ENC1: variants seen among roughly 807,000 people sequenced by gnomAD.
ENC1 encodes ectoderm-neural cortex protein 1.
In ENC1, 19 loss-of-function variants were observed where a neutral mutation model predicts 40.9. The ratio of observed to expected loss-of-function variants is 0.46; its 90% CI spans 0.32 to 0.68. The LOEUF (loss-of-function observed/expected upper bound fraction) is 0.68. ENC1 is among the 30% of genes least tolerant of loss of function. ENC1 has a pLI of 0.03. For missense variants in ENC1, 479 were observed against 737.5 expected, an observed-to-expected ratio of 0.65 and a Z score of 4.06; for synonymous variants, 285 against 291.1, an observed-to-expected ratio of 0.98 and a Z score of 0.21.
chr5:74,634,548 C>T (rs1168446387), intron 2 of ENC1, 136 bp downstream of exon 2: 2 of 602,338 alleles, frequency 3.3e-6, no homozygotes, highest in South Asian at 2.1e-5. Flanking sequence ...GTTCTAGGGG[C>T]ACCAGCTCTC....
rs773105658 is a variant in ENC1 at position 74,636,471 on chromosome 5, C to A, written c.15G>T (p.Val5=). 1.9e-6 allele frequency: 3 copies of A among 1,601,680 alleles called. No homozygotes were observed. The highest frequency in any genetic ancestry group is 2.6e-6 in the Non-Finnish European group (3 of 1,170,444). ...TGGCCCTGGACTTGCGGTTCTCATG[C>A]ACACTGACTGACATTTTGTTTCCAC... MSVS[V]HENRKSRASS... is the part of the protein sequence containing the mutation. Residue 5 remains valine (V), a synonymous_variant, in exon 2 of 3, where the codon GTG becomes GTT. Transcript: ENST00000302351. This position sits in a 1 kb window ranked among gnomAD's most constrained non-coding sequence, Gnocchi z 4.8.
rs1280124688 is a variant in ENC1 at position 74,640,648 on chromosome 5, C to CG, written c.-356dup. On this transcript the variant is annotated 5_prime_UTR_variant, in exon 1 of 3. Transcript: ENST00000302351. ...GGGAGCTAGAAAGCGCCTTGTGTGC[C>CG]GGCGGCCGCCAGGCGTCTGGACCGG... 1.3e-5 allele frequency: 2 copies of CG among 152,348 alleles called. No individual in the cohort carries two copies. Among genetic ancestry groups the CG allele is most frequent in the Non-Finnish European group, 2.9e-5 (2 of 68,224 alleles). 9.4% of individuals were successfully genotyped at this position (152,348 alleles called of 1,614,324 possible). A position where few individuals can be genotyped will look rare whatever the true frequency, so the allele number is the denominator to read the frequency against.
intron 2 of ENC1, chr5:74,632,330 A>G (rs1186356571): frequency 6.6e-6 from 1 of 152,182 alleles, no homozygotes; most frequent in Non-Finnish European, 1.5e-5. Flanking sequence ...TCATATCTCA[A>G]ATGAAATAAC....
intron 1 of ENC1, among the ~76,000 whole-genome samples, chr5:74,639,701 C>A (rs576910528): frequency 5.4e-4 from 82 of 150,466 alleles, no homozygotes; most frequent in African/African-American, 2.0e-3. Flanking sequence ...TGTGTGACAC[C>A]AAACCGCATG....
At position 74,627,517 on chromosome 5, in the gene ENC1, T is replaced by C. The variant is rs535701473; in HGVS notation, c.*2508A>G. On this transcript the variant is annotated 3_prime_UTR_variant, in exon 3 of 3. Transcript: ENST00000302351. ...AATGTAGTCATAGCAAACAAGTACATATGAACATGAACATTTTCCTTCAAC... is the reference window on the plus strand; with the variant it reads ...AATGTAGTCATAGCAAACAAGTACACATGAACATGAACATTTTCCTTCAAC... 1.3e-5 allele frequency: 2 copies of C among 152,352 alleles called. No homozygotes were observed. Among genetic ancestry groups the C allele is most frequent in the Non-Finnish European group, 2.9e-5 (2 of 68,014 alleles). The allele number at this position is 152,352 out of a possible 1,614,324, so 9.4% of individuals were successfully genotyped here. A position where few individuals can be genotyped will look rare whatever the true frequency, so the allele number is the denominator to read the frequency against.
chr5:74,636,161 G>A lies in ENC1; in HGVS notation c.325C>T (p.Arg109Trp), dbSNP rs767803608. 18 of 1,614,114 alleles carry A rather than the reference G, an allele frequency of 1.1e-5. No individual in the cohort carries two copies. Among genetic ancestry groups the A allele is most frequent in the East Asian group, 2.2e-5 (1 of 44,876 alleles). ...GCATTTTCTTCATTGATGATGACCCGGGAGGAGTACGCATAGTCAAGCAGC... is the reference window on the plus strand; with the variant it reads ...GCATTTTCTTCATTGATGATGACCCAGGAGGAGTACGCATAGTCAAGCAGC... ...ELLLDYAYSSRVIINEENAES... is the reference protein window; with the variant it reads ...ELLLDYAYSSWVIINEENAES... The change falls in exon 2 of 3, where the codon CGG becomes TGG. Residue 109 changes from arginine to tryptophan, a missense_variant. Coordinates refer to ENST00000302351, the MANE Select transcript of ENC1 (RefSeq NM_003633.4). This position sits in a 1 kb window ranked among gnomAD's most constrained non-coding sequence, Gnocchi z 4.8.
chr5:74,633,024 G>A (rs1272310640), intron 2 of ENC1, among the ~76,000 whole-genome samples: 3 of 152,152 alleles, frequency 2.0e-5, no homozygotes, highest in Non-Finnish European at 2.9e-5. Context: ...CCCTTCAAAG[G>A]TGTGAAACAT....
At chr5:74,634,466 C>A (rs2112025633) in intron 2 of ENC1, among the ~76,000 whole-genome samples, 1 of 152,156 alleles carries the variant, frequency 6.6e-6, no homozygotes. Context: ...GATTCTGAGG[C>A]TCAGTAAAAG....
Position 74,636,638 on chromosome 5 carries a change from G to A in ENC1, c.-13-140C>T, listed in dbSNP as rs1580349632. ...ACCTACTATTCTAGAATAGTGTATG[G>A]CCATTCCAGGACAAAGCCAGAGACA... On this transcript the variant is annotated intron_variant, in intron 1 of 2. Coordinates refer to ENST00000302351, the MANE Select transcript of ENC1 (RefSeq NM_003633.4). The surrounding 1 kb of genome is among the most constrained non-coding windows in gnomAD (Gnocchi z 4.8). The A allele has an allele frequency of 1.7e-6, 1 of 597,482 alleles. No individual in the cohort carries two copies. Among genetic ancestry groups the A allele is most frequent in the Non-Finnish European group, 2.9e-6 (1 of 340,860 alleles). The allele number at this position is 597,482 out of a possible 1,614,324, so 37.0% of individuals were successfully genotyped here. A position where few individuals can be genotyped will look rare whatever the true frequency, so the allele number is the denominator to read the frequency against.
At chr5:74,631,964 C>T (rs1330727422) in intron 2 of ENC1, among the ~76,000 whole-genome samples, 1 of 152,242 alleles carries the variant, frequency 6.6e-6, no homozygotes, top group Non-Finnish European at 1.5e-5. Context: ...CCTCTTTTAA[C>T]TCCCCTATCA....
intron 2 of ENC1, 107 bp downstream of exon 2, chr5:74,634,577 T>C (rs1747504910): frequency 1.6e-6 from 1 of 632,808 alleles, no homozygotes; most frequent in African/African-American, 1.8e-5. Flanking sequence ...ACAGCTTTGG[T>C]AGTACTTCTG....
chr5:74,635,144 C>T lies in ENC1; in HGVS notation c.1342G>A (p.Ala448Thr). The T allele has an allele frequency of 6.2e-7, 1 of 1,614,214 alleles. No individual in the cohort carries two copies. Among genetic ancestry groups the T allele is most frequent in the Non-Finnish European group, 8.5e-7 (1 of 1,180,040 alleles). The change falls in exon 2 of 3, where the codon GCT becomes ACT. Residue 448 changes from alanine to threonine, a missense_variant. Ala to Thr is a moderately conservative substitution (Grantham distance 58). Transcript: ENST00000302351. The surrounding 1 kb of genome is among the most constrained non-coding windows in gnomAD (Gnocchi z 5.5). ...AVVSAKLKLF[A>T]FGGTSVSHDK... ...TGACTGACACTGGTACCTCCGAAAG[C>T]AAATAACTTAAGTTTGGCACTCACT...
chr5:74,631,111 G>C (rs1262944878), intron 2 of ENC1, among the ~76,000 whole-genome samples: 1 of 150,196 alleles, frequency 6.7e-6, no homozygotes, highest in Admixed American at 6.6e-5. Flanking sequence ...CAGGAAAAAA[G>C]GAATACACAC....
At chr5:74,639,034 C>G (rs901170632) in intron 1 of ENC1, among the ~76,000 whole-genome samples, 7 of 152,226 alleles carry the variant, frequency 4.6e-5, no homozygotes, top group African/African-American at 1.7e-4. Context: ...TGTGTTTATG[C>G]TCCTGTATGT....
chr5:74,635,055 G>T lies in ENC1; in HGVS notation c.1431C>A (p.Thr477=). 2 of 1,614,232 alleles carry T rather than the reference G, an allele frequency of 1.2e-6. No homozygotes were observed. The highest frequency in any genetic ancestry group is 1.7e-5 in the Admixed American group (1 of 60,030). ...QCENRWTVPA[T]CPQPWRYTAA... The stretch of plus-strand genomic sequence containing the variant: ...CTGTGTAACGCCAGGGCTGGGGACA[G>T]GTGGCCGGTACAGTCCACCTGTTTT... Residue 477 remains threonine, a synonymous_variant, in exon 2 of 3, where the codon ACC becomes ACA. Coordinates refer to ENST00000302351, the MANE Select transcript of ENC1 (RefSeq NM_003633.4). This position sits in a 1 kb window ranked among gnomAD's most constrained non-coding sequence, Gnocchi z 5.5.
chr5:74,632,712 C>T (rs1315320862), intron 2 of ENC1, among the ~76,000 whole-genome samples: 2 of 152,068 alleles, frequency 1.3e-5, no homozygotes, highest in Non-Finnish European at 2.9e-5. Flanking sequence ...AAAAGCCCGA[C>T]GTGGTGGCGG....
At chr5:74,630,183 T>C (rs1226438357) in intron 2 of ENC1, among the ~76,000 whole-genome samples, 191 bp from the exon 3 acceptor site, 3 of 152,212 alleles carry the variant, frequency 2.0e-5, no homozygotes, top group African/African-American at 7.2e-5. Context: ...TTTAAAGTAC[T>C]TGCCTTAAAT....
rs373908717 is a variant in ENC1, at chr5:74,634,796, C to T, written c.1690G>A (p.Val564Met). ...GGGACAGTGGTGATGCTGTTCCACA[C>T]GTCTAATGTTGGATCGTAGCAGTCC... ...TLDCYDPTLD[V>M]WNSITTVPYS... Residue 564 changes from valine to methionine, a missense_variant, in exon 2 of 3, where the codon GTG (valine) becomes ATG (methionine). Val to Met is a conservative substitution (Grantham distance 21). Transcript: ENST00000302351. The T allele has an allele frequency of 2.9e-5, 47 of 1,613,958 alleles. No individual in the cohort carries two copies. Among genetic ancestry groups the T allele is most frequent in the South Asian group, 1.6e-4 (15 of 91,078 alleles).
rs1747282266 is a variant in ENC1, at chr5:74,628,611, C to G, written c.*1414G>C. On this transcript the variant is annotated 3_prime_UTR_variant, in exon 3 of 3. Transcript: ENST00000302351. ...GTGGCCAAATGTGTTACTTGTGCAC[C>G]AAAGAGTTTTTTAAAAAGAGATTTG... 6.6e-6 allele frequency: 1 copy of G among 152,308 alleles called. No individual in the cohort carries two copies. The highest frequency in any genetic ancestry group is 1.5e-5 in the Non-Finnish European group (1 of 68,024). 9.4% of individuals were successfully genotyped at this position (152,308 alleles called of 1,614,324 possible). A position where few individuals can be genotyped will look rare whatever the true frequency, so the allele number is the denominator to read the frequency against.
Sources: allele counts gnomAD v4.1 joint callset (sites outside exome capture counted in the v4.1 genomes callset), GRCh38; gene constraint gnomAD v4.1.1; non-coding constraint Gnocchi (gnomAD v3.1); transcripts MANE v1.5; gene names NCBI Gene and HGNC (gene_info 2026-07-23, HGNC 2026-07-21).